NDST4: variants seen among roughly 807,000 people sequenced by gnomAD.
NDST4 encodes the protein N-deacetylase and N-sulfotransferase 4.
NDST4 carries 63 observed loss-of-function variants against 100.8 expected under a neutral mutation model. The observed-to-expected ratio is 0.62, with a 90% CI of 0.51 to 0.77. NDST4 has a LOEUF of 0.77. NDST4 is among the 30% of genes least tolerant of loss of function. The pLI, the probability that NDST4 is intolerant of heterozygous loss-of-function variation, is 0.00. For missense variants in NDST4, 943 were observed against 1,018.4 expected (o/e 0.93, Z 1.01); for synonymous variants, 377 against 361.8 (o/e 1.04, Z -0.48).
At chr4:114,846,069 T>A in intron 9 of NDST4, 72 bp from the exon 10 acceptor site, 1 of 1,135,438 alleles carries the variant, frequency 8.8e-7, no homozygotes, top group Non-Finnish European at 1.3e-6. Context: ...GTGAAATAAT[T>A]GGAACATTTT....
chr4:114,970,707 T>G, intron 3 of NDST4, 123 bp from the exon 4 acceptor site: 1 of 832,296 alleles, frequency 1.2e-6, no homozygotes, highest in Non-Finnish European at 1.8e-6. Context: ...TGTGGGCTTT[T>G]TAAATCAGAA....
At chr4:115,085,050 G>C (rs1351373789) in intron 1 of NDST4, among the ~76,000 whole-genome samples, 1 of 152,206 alleles carries the variant, frequency 6.6e-6, no homozygotes, top group Non-Finnish European at 1.5e-5. Flanking sequence ...AAAAGCTACA[G>C]GGGTGGAGCT....
At chr4:114,986,749 T>G (rs539451488) in intron 2 of NDST4, among the ~76,000 whole-genome samples, 2 of 144,276 alleles carry the variant, frequency 1.4e-5, no homozygotes, top group Admixed American at 1.4e-4. Context: ...GCACTGGCAT[T>G]TTTGTTTATA....
intron 6 of NDST4, among the ~76,000 whole-genome samples, chr4:114,926,057 A>G (rs1449914510): frequency 1.3e-5 from 2 of 152,166 alleles, no homozygotes; most frequent in East Asian, 1.9e-4. Context: ...CACCTCATAC[A>G]TGATTAAATT....
intron 1 of NDST4, among the ~76,000 whole-genome samples, chr4:115,098,180 T>C (rs1351360674): frequency 6.6e-6 from 1 of 152,192 alleles, no homozygotes; most frequent in Non-Finnish European, 1.5e-5. Flanking sequence ...CTGTACCTTT[T>C]ATTCCTAGTT....
intron 2 of NDST4, among the ~76,000 whole-genome samples, chr4:115,019,079 TTC>T (rs1727751527): frequency 6.6e-6 from 1 of 152,058 alleles, no homozygotes; most frequent in African/African-American, 2.4e-5. Context: ...CTAATTCTTG[TTC>T]TCACTCACCA....
At chr4:115,027,980 C>T (rs567503233) in intron 2 of NDST4, among the ~76,000 whole-genome samples, 5 of 151,740 alleles carry the variant, frequency 3.3e-5, no homozygotes, top group African/African-American at 1.2e-4. Context: ...TTGAACCCAG[C>T]AGGTGGAGTT....
intron 2 of NDST4, among the ~76,000 whole-genome samples, chr4:115,003,097 G>A (rs1308690558): frequency 3.3e-5 from 5 of 152,134 alleles, no homozygotes; most frequent in Admixed American, 6.6e-5. Flanking sequence ...GGGACAAAGG[G>A]AGGGAGAGCA....
chr4:114,851,422 A>T (rs796929786), intron 8 of NDST4, among the ~76,000 whole-genome samples: 20 of 152,314 alleles, frequency 1.3e-4, no homozygotes, highest in South Asian at 1.0e-3. Context: ...AACCAGCTAA[A>T]TGCTTTATCA....
chr4:114,923,687 G>A (rs1725331934), intron 6 of NDST4, among the ~76,000 whole-genome samples: 1 of 151,840 alleles, frequency 6.6e-6, no homozygotes, highest in Non-Finnish European at 1.5e-5. Context: ...AATGTGAAGA[G>A]CATTATGCAC....
chr4:114,984,715 C>T lies in NDST4; in HGVS notation c.979-7441G>A, dbSNP rs558956954. On this transcript the variant is annotated intron_variant, in intron 2 of 13. Coordinates refer to ENST00000264363, the MANE Select transcript of NDST4 (RefSeq NM_022569.3). Reference sequence around the variant, plus strand: ...AGAAGAAGACCAAAATTGACCATGCCTGCCTTAAAACTCAGTCTAACCTTA... The same window carrying T: ...AGAAGAAGACCAAAATTGACCATGCTTGCCTTAAAACTCAGTCTAACCTTA... Among the ~76,000 whole-genome samples the T allele has an allele frequency of 2.6e-5, 4 of 152,140 alleles. No homozygotes were observed. In the East Asian group the frequency reaches 5.8e-4, roughly 22 times the overall value.
intron 2 of NDST4, among the ~76,000 whole-genome samples, chr4:115,060,716 G>A (rs1002315355): frequency 4.6e-5 from 7 of 151,706 alleles, no homozygotes; most frequent in African/African-American, 1.7e-4. Flanking sequence ...TCTAGCAGCA[G>A]TATTTCAAAT....
chr4:114,984,408 A>G (rs971810793), intron 2 of NDST4, among the ~76,000 whole-genome samples: 1 of 128,282 alleles, frequency 7.8e-6, no homozygotes, highest in Non-Finnish European at 1.6e-5. Context: ...CGAACTCCTG[A>G]CCTTGTGATC....
At chr4:115,097,297 T>A (rs1358860579) in intron 1 of NDST4, among the ~76,000 whole-genome samples, 1 of 152,178 alleles carries the variant, frequency 6.6e-6, no homozygotes, top group African/African-American at 2.4e-5. Flanking sequence ...GGAAATCTAA[T>A]GGGCATTTCC....
At chr4:115,053,082 A>G (rs902868389) in intron 2 of NDST4, among the ~76,000 whole-genome samples, 4 of 152,192 alleles carry the variant, frequency 2.6e-5, no homozygotes, top group Non-Finnish European at 4.4e-5. Context: ...GTGCTGAAAT[A>G]TCAATAAATG....
At position 114,994,146 on chromosome 4, in the gene NDST4, C is replaced by T. The variant is rs528637816; in HGVS notation, c.979-16872G>A. 4.6e-5 allele frequency among the ~76,000 whole-genome samples: 7 copies of T among 151,864 alleles called. No homozygotes were observed. The East Asian group carries it at 7.7e-4, about 17-fold the overall frequency. On this transcript the variant is annotated intron_variant, in intron 2 of 13. Transcript: ENST00000264363. Reference sequence around the variant, plus strand: ...ACTTAGTAGCCACTTAGAACTGCTCCGTGATCTTAGCAAGAAAAAAATAAT... The same window carrying T: ...ACTTAGTAGCCACTTAGAACTGCTCTGTGATCTTAGCAAGAAAAAAATAAT...
chr4:114,910,391 A>T (rs1215898134), intron 6 of NDST4, among the ~76,000 whole-genome samples: 1 of 152,156 alleles, frequency 6.6e-6, no homozygotes, highest in African/African-American at 2.4e-5. Flanking sequence ...CAATCTTATG[A>T]CAGTCATTCT....
At chr4:115,026,985 G>A (rs775768025) in intron 2 of NDST4, among the ~76,000 whole-genome samples, 1 of 152,140 alleles carries the variant, frequency 6.6e-6, no homozygotes, top group Admixed American at 6.6e-5. Context: ...CGTAATTCCA[G>A]AGTCTAGTTG....
chr4:114,900,759 C>T (rs1724820226), intron 6 of NDST4, among the ~76,000 whole-genome samples: 1 of 152,160 alleles, frequency 6.6e-6, no homozygotes, highest in South Asian at 2.1e-4. Flanking sequence ...CATTGTTATA[C>T]ATGACTGTAC....
Sources: gnomAD v4.1 joint callset for allele counts (sites outside exome capture counted in the v4.1 genomes callset) on GRCh38, gnomAD v4.1.1 for gene constraint, MANE v1.5 for transcripts, NCBI Gene and HGNC (gene_info 2026-07-23, HGNC 2026-07-21) for gene names.